MMD2: variants seen among roughly 807,000 people sequenced by gnomAD.
The protein encoded by MMD2 is monocyte to macrophage differentiation associated 2.
Under a neutral mutation model 33.5 loss-of-function variants are expected in MMD2, and 30 were observed. The ratio of observed to expected loss-of-function variants is 0.90; its 90% CI spans 0.67 to 1.22. The LOEUF is 1.22. Among genes scored for constraint, MMD2 ranks in the 50% most tolerant of loss-of-function variants. The pLI is 0.00. For synonymous variants in MMD2, 129 were observed against 123.0 expected (o/e 1.05, Z -0.32); for missense variants, 364 against 325.4 (o/e 1.12, Z -0.91).
At position 4,909,623 on chromosome 7, in the gene MMD2, G is replaced by C. The variant is rs937776367; in HGVS notation, c.537+258C>G. 9 of 639,312 alleles carry C rather than the reference G, an allele frequency of 1.4e-5. No homozygotes were observed. In the African/African-American group the frequency reaches 1.7e-4, roughly 12 times the overall value. The allele number at this position is 639,312 out of a possible 1,614,324, so 39.6% of individuals were successfully genotyped here. On this transcript the variant is annotated intron_variant, in intron 6 of 6. Coordinates refer to ENST00000401401, the MANE Select transcript of MMD2 (RefSeq NM_198403.4). ...TCTGGCTAATTTTTTTTTTTTTAGA[G>C]ATGGGTCTTGCTATGTTGCCCAGGC...
intron 2 of MMD2, among the ~76,000 whole-genome samples, chr7:4,921,042 TG>T (rs1395200164): frequency 1.3e-5 from 2 of 152,158 alleles, no homozygotes; most frequent in Admixed American, 6.6e-5. Context: ...AACAGCCATG[TG>T]GGGCCAGTGG....
At chr7:4,929,451 TCCTC>T (rs1190760280) in intron 1 of MMD2, among the ~76,000 whole-genome samples, 5 of 151,932 alleles carry the variant, frequency 3.3e-5, no homozygotes, top group African/African-American at 1.2e-4. Context: ...CCACCCACCT[TCCTC>T]AAGGTGGGCC....
At chr7:4,894,730 G>A in the MMD2 span, among the ~76,000 whole-genome samples, 231 of 152,220 alleles carry the variant, frequency 1.5e-3, no homozygotes, top group African/African-American at 5.2e-3. The surrounding 1 kb of genome is among the most constrained non-coding windows in gnomAD (Gnocchi z 4.3). Context: ...CGCTGGAACC[G>A]GCCAGTCATT....
chr7:4,911,645 A>ATTTAT (rs1234625609), intron 4 of MMD2, among the ~76,000 whole-genome samples: 16 of 149,638 alleles, frequency 1.1e-4, no homozygotes, highest in African/African-American at 2.2e-4. Flanking sequence ...ATTTTATTTT[A>ATTTAT]TTTATTTTAT....
In MMD2 at chr7:4,907,333, T is replaced by C. The variant is rs1784888303; in HGVS notation, c.*63A>G. The C allele has an allele frequency of 6.5e-7, 1 of 1,533,734 alleles. No homozygotes were observed. Among genetic ancestry groups the C allele is most frequent in the Admixed American group, 1.7e-5 (1 of 59,790 alleles). ...ACAGGCCTTGGCGCTGTGCTCTGGG[T>C]TAACGTTCACAGAAACGTGCTCCAC... On this transcript the variant is annotated 3_prime_UTR_variant, in exon 7 of 7. Coordinates refer to ENST00000401401, the MANE Select transcript of MMD2 (RefSeq NM_198403.4).
downstream of MMD2, among the ~76,000 whole-genome samples, chr7:4,904,170 T>C (rs1303491399): frequency 6.6e-6 from 1 of 152,088 alleles, no homozygotes; most frequent in Non-Finnish European, 1.5e-5. Flanking sequence ...TGACCTCAGG[T>C]GATCCACCCA....
intron 6 of MMD2, 124 bp downstream of exon 6, chr7:4,909,757 T>G (rs775479806): frequency 7.5e-7 from 1 of 1,326,868 alleles, no homozygotes; most frequent in South Asian, 1.3e-5. Flanking sequence ...AGACAAGTCA[T>G]GCCAGGCCTC....
chr7:4,930,191 C>T (rs1785538285), intron 1 of MMD2, among the ~76,000 whole-genome samples: 2 of 150,522 alleles, frequency 1.3e-5, no homozygotes, highest in East Asian at 4.0e-4. Flanking sequence ...ATGGCATGAA[C>T]CCAGGAGGTG....
chr7:4,935,941 T>G (rs1189397938), intron 1 of MMD2, among the ~76,000 whole-genome samples: 1 of 152,044 alleles, frequency 6.6e-6, no homozygotes, highest in Admixed American at 6.6e-5. Flanking sequence ...TCCCAGCACT[T>G]TGGGAGGCCG....
chr7:4,953,277 C>A (rs1236681656), intron 1 of MMD2, among the ~76,000 whole-genome samples: 1 of 151,718 alleles, frequency 6.6e-6, no homozygotes, highest in Non-Finnish European at 1.5e-5. Flanking sequence ...TTGGTCAGCA[C>A]CGCCTGGCTA....
intron 1 of MMD2, among the ~76,000 whole-genome samples, chr7:4,950,038 T>A (rs763707177): frequency 1.3e-5 from 2 of 152,072 alleles, no homozygotes; most frequent in Non-Finnish European, 2.9e-5. Flanking sequence ...TAACCATTTT[T>A]AAGCATACAA....
At chr7:4,908,747 A>G (rs889372870) in intron 6 of MMD2, among the ~76,000 whole-genome samples, 2 of 151,722 alleles carry the variant, frequency 1.3e-5, no homozygotes, top group African/African-American at 2.4e-5. Flanking sequence ...AAATACAATA[A>G]TTAGCCGAGA....
chr7:4,917,351 G>A (rs897316826), intron 3 of MMD2, among the ~76,000 whole-genome samples: 6 of 152,094 alleles, frequency 3.9e-5, no homozygotes, highest in Admixed American at 6.6e-5. Context: ...ACAGTACATA[G>A]TAAGTGCTCA....
At chr7:4,930,952 G>A (rs995601166) in intron 1 of MMD2, among the ~76,000 whole-genome samples, 5 of 151,782 alleles carry the variant, frequency 3.3e-5, no homozygotes, top group Non-Finnish European at 7.4e-5. Context: ...CTGGGTTCAA[G>A]TGACTCGCCT....
At position 4,909,904 on chromosome 7, in the gene MMD2, G is replaced by T. The variant is rs764826554; in HGVS notation, c.514C>A (p.Pro172Thr). The stretch of plus-strand genomic sequence containing the variant: ...ACCATGGAGAGGATGACCAGGGCGG[G>T]GAAGAAGCCCATTACGACGTAGCAG... The part of the protein sequence containing the change: ...LLCYVVMGFF[P>T]ALVILSMPNT... The change falls in exon 6 of 7, where the codon CCC (proline) becomes ACC (threonine). Residue 172 changes from proline to threonine, a missense_variant. Coordinates refer to ENST00000401401, the MANE Select transcript of MMD2 (RefSeq NM_198403.4). 1.2e-6 allele frequency: 2 copies of T among 1,613,840 alleles called. No individual in the cohort carries two copies. The highest frequency in any genetic ancestry group is 8.5e-7 in the Non-Finnish European group (1 of 1,179,810).
At chr7:4,913,101 G>A (rs1184996076) in intron 4 of MMD2, among the ~76,000 whole-genome samples, 1 of 152,072 alleles carries the variant, frequency 6.6e-6, no homozygotes, top group Admixed American at 6.6e-5. Context: ...AAGTAACACC[G>A]AAAAGTTTAA....
chr7:4,957,308 G>A (rs2115169681), intron 1 of MMD2, among the ~76,000 whole-genome samples: 1 of 152,002 alleles, frequency 6.6e-6, no homozygotes, highest in South Asian at 2.1e-4. Flanking sequence ...TTGTGCCACT[G>A]CACTCCAGCC....
At position 4,940,940 on chromosome 7, in the gene MMD2, T is replaced by A. The variant is rs981261055; in HGVS notation, c.48-15408A>T. On this transcript the variant is annotated intron_variant, in intron 1 of 6. Transcript: ENST00000401401. The surrounding 1 kb of genome is among the most constrained non-coding windows in gnomAD (Gnocchi z 5.0). ...GCCCACCCTGTGGCTCCCCGGGAAA[T>A]CTCTTCCCCTATGGGATGAGAAGGG... Among the ~76,000 whole-genome samples the A allele has an allele frequency of 6.6e-6, 1 of 151,900 alleles. No individual in the cohort carries two copies.
the MMD2 span, among the ~76,000 whole-genome samples, chr7:4,900,311 G>A: frequency 2.0e-5 from 3 of 152,080 alleles, no homozygotes; most frequent in Non-Finnish European, 4.4e-5. Context: ...GGTTTTGGAA[G>A]AGCAAAATAC....
Sources: gnomAD v4.1 joint callset for allele counts (sites outside exome capture counted in the v4.1 genomes callset) on GRCh38, gnomAD v4.1.1 for gene constraint, Gnocchi (gnomAD v3.1) non-coding constraint, MANE v1.5 for transcripts, NCBI Gene and HGNC (gene_info 2026-07-23, HGNC 2026-07-21) for gene names.